HAVCR1: variants seen among roughly 807,000 people sequenced by gnomAD.
The protein encoded by HAVCR1 is hepatitis A virus cellular receptor 1.
HAVCR1 carries 34 observed loss-of-function variants against 32.0 expected under a neutral mutation model. The ratio of observed to expected loss-of-function variants is 1.06; its 90% CI spans 0.81 to 1.42. The LOEUF is 1.42. Ranked by LOEUF, HAVCR1 falls within the 40% of genes most tolerant of loss-of-function variation. HAVCR1 has a pLI of 0.00. For missense variants in HAVCR1, 420 were observed against 442.3 expected (o/e 0.95, Z 0.45); for synonymous variants, 178 against 170.3 (o/e 1.05, Z -0.35).
chr5:157,049,627 G>C lies in HAVCR1; in HGVS notation c.674-482C>G, dbSNP rs144594748. Among the ~76,000 whole-genome samples the C allele has an allele frequency of 2.8e-3, 423 of 152,238 alleles. 3 individuals carry two copies. Among genetic ancestry groups the C allele is most frequent in the African/African-American group, 9.4e-3 (391 of 41,550 alleles). On this transcript the variant is annotated intron_variant, in intron 4 of 8. Coordinates refer to ENST00000523175, the MANE Select transcript of HAVCR1 (RefSeq NM_001173393.3). ...ACAACAGCCCCATTCTGGGTTTCCT[G>C]GCCTTACTCAAGTTCAATTATCCAC...
At chr5:157,063,445 C>T (rs546997616), upstream of HAVCR1, among the ~76,000 whole-genome samples, 15 of 151,998 alleles carry the variant, frequency 9.9e-5, no homozygotes, top group South Asian at 2.1e-4. Context: ...ATCACCACAC[C>T]GGCTAATTTT....
chr5:157,032,347 C>T (rs1357751950), intron 8 of HAVCR1, among the ~76,000 whole-genome samples: 2 of 151,974 alleles, frequency 1.3e-5, no homozygotes, highest in Non-Finnish European at 2.9e-5. Flanking sequence ...GGAGAAACCC[C>T]GTCTCTACTA....
At chr5:157,057,451 GAAAGAAAGAAAGA>G (rs1756271655) in intron 2 of HAVCR1, among the ~76,000 whole-genome samples, 1 of 111,978 alleles carries the variant, frequency 8.9e-6, no homozygotes, top group Non-Finnish European at 2.1e-5. Context: ...AAGAAAGAAA[GAAAGAAAGAAAGA>G]GAATTGAATG....
chr5:157,044,619 A>AAGAAAGAAAGAAAGAAAG (rs1755220437), intron 5 of HAVCR1, among the ~76,000 whole-genome samples: 24 of 33,452 alleles, frequency 7.2e-4, no homozygotes, highest in South Asian at 5.2e-3. Context: ...AAGAAAGAGA[A>AAGAAAGAAAGAAAGAAAG]AGAAAGAAAG....
At chr5:157,035,007 C>G (rs949995188) in intron 7 of HAVCR1, among the ~76,000 whole-genome samples, 2 of 152,082 alleles carry the variant, frequency 1.3e-5, no homozygotes, top group Non-Finnish European at 2.9e-5. Flanking sequence ...GATCACACCA[C>G]TGCATTCCAG....
intron 6 of HAVCR1, among the ~76,000 whole-genome samples, chr5:157,040,292 CTGTCTCA>C (rs1168315211): frequency 7.0e-6 from 1 of 143,178 alleles, no homozygotes; most frequent in African/African-American, 2.6e-5. Flanking sequence ...GAGTGAAACT[CTGTCTCA>C]AAAAAAAAAA....
intron 3 of HAVCR1, among the ~76,000 whole-genome samples, chr5:157,053,741 G>A (rs71591086): frequency 0.036 from 5,399 of 151,778 alleles, 223 homozygotes; most frequent in African/African-American, 0.1. Context: ...ATGGTGGTGC[G>A]CACCTGTAGT....
intron 7 of HAVCR1, among the ~76,000 whole-genome samples, chr5:157,035,752 A>G (rs1449520882): frequency 2.0e-5 from 3 of 152,124 alleles, no homozygotes; most frequent in African/African-American, 7.2e-5. Flanking sequence ...CGATGTCCAC[A>G]GGTTTGGCAT....
At chr5:157,069,215 CA>C in the HAVCR1 span, among the ~76,000 whole-genome samples, 1 of 152,278 alleles carries the variant, frequency 6.6e-6, no homozygotes, top group African/African-American at 2.4e-5. Context: ...TCAGGAAATC[CA>C]AAAAACTCTG....
At position 157,042,643 on chromosome 5, in the gene HAVCR1, C is replaced by T; in HGVS notation, c.821G>A (p.Trp274Ter). ...DTVTESSDGL[W>*]NNNQTQLFLE... ...TATGCTTACAGTTTGATTGTTATTC[C>T]AAAGGCCATCTGAAGACTCTGTCAC... Residue 274 changes from tryptophan to a stop codon, truncating the protein, a stop_gained, in exon 6 of 9, where the codon TGG becomes TAG. Coordinates refer to ENST00000523175, the MANE Select transcript of HAVCR1 (RefSeq NM_001173393.3). LOFTEE classifies it high-confidence loss of function. 2 of 1,595,290 alleles carry T rather than the reference C, an allele frequency of 1.3e-6. No individual in the cohort carries two copies. Among genetic ancestry groups the T allele is most frequent in the Non-Finnish European group, 8.6e-7 (1 of 1,164,224 alleles).
upstream of HAVCR1, among the ~76,000 whole-genome samples, chr5:157,061,164 C>T (rs907548461): frequency 5.3e-5 from 8 of 151,980 alleles, no homozygotes; most frequent in Non-Finnish European, 1.2e-4. Flanking sequence ...TCCAAAAGTG[C>T]TGGAATTACA....
At chr5:157,060,168 T>C (rs973199571), upstream of HAVCR1, among the ~76,000 whole-genome samples, 1 of 151,904 alleles carries the variant, frequency 6.6e-6, no homozygotes, top group Non-Finnish European at 1.5e-5. Context: ...AAATATATAA[T>C]CAGACTACAT....
chr5:157,068,052 A>T, the HAVCR1 span, among the ~76,000 whole-genome samples: 1,301 of 151,818 alleles, frequency 8.6e-3, 15 homozygotes, highest in African/African-American at 0.029. Flanking sequence ...TAGACAGATC[A>T]CTTGAGGTCA....
chr5:157,067,473 TGA>T, the HAVCR1 span, among the ~76,000 whole-genome samples: 1 of 152,238 alleles, frequency 6.6e-6, no homozygotes, highest in East Asian at 1.9e-4. Flanking sequence ...CAGCCCAGCC[TGA>T]GCAACAGAGT....
At chr5:157,041,928 G>A (rs756018798) in intron 6 of HAVCR1, among the ~76,000 whole-genome samples, 20 of 151,918 alleles carry the variant, frequency 1.3e-4, no homozygotes, top group Non-Finnish European at 4.4e-5. Context: ...GCGTGGTGGC[G>A]TGCGCCTGTA....
At chr5:157,045,312 A>G (rs900865852) in intron 5 of HAVCR1, among the ~76,000 whole-genome samples, 1 of 152,200 alleles carries the variant, frequency 6.6e-6, no homozygotes, top group African/African-American at 2.4e-5. Context: ...ATTTCTAGCT[A>G]CAGTACGCAT....
chr5:157,065,917 G>GTGGTGGC, the HAVCR1 span, among the ~76,000 whole-genome samples: 1 of 151,514 alleles, frequency 6.6e-6, no homozygotes, highest in Non-Finnish European at 1.5e-5. Flanking sequence ...TTAGCCGGGC[G>GTGGTGGC]TGGTGGCGGG....
chr5:157,044,886 G>T (rs1161163331), intron 5 of HAVCR1, among the ~76,000 whole-genome samples: 1 of 152,124 alleles, frequency 6.6e-6, no homozygotes, highest in African/African-American at 2.4e-5. Context: ...TGTTAGCAAT[G>T]TAACTTTGAT....
chr5:157,039,003 C>T (rs1392876193), intron 6 of HAVCR1, among the ~76,000 whole-genome samples: 1 of 152,018 alleles, frequency 6.6e-6, no homozygotes, highest in Non-Finnish European at 1.5e-5. Flanking sequence ...CCTGTGGTCC[C>T]AGCTACTTGG....
Sources: gnomAD v4.1 joint callset for allele counts (sites outside exome capture counted in the v4.1 genomes callset) on GRCh38, gnomAD v4.1.1 for gene constraint, MANE v1.5 for transcripts, NCBI Gene and HGNC (gene_info 2026-07-23, HGNC 2026-07-21) for gene names.